The following PCDH15 variants were observed in gnomAD, a reference collection of about 807,000 sequenced individuals.
PCDH15 encodes protocadherin-15.
A neutral mutation model predicts 178.5 loss-of-function variants in PCDH15; 129 were observed. The ratio of observed to expected loss-of-function variants is 0.72; its 90% CI spans 0.63 to 0.84. PCDH15 has a LOEUF of 0.84. Ranked by LOEUF, PCDH15 falls within the 40% of genes least tolerant of loss-of-function variation. The pLI is 0.00. For synonymous variants in PCDH15, 800 were observed against 732.0 expected, an observed-to-expected ratio of 1.09 and a Z score of -1.50; for missense variants, 2,230 against 2,099.9, an observed-to-expected ratio of 1.06 and a Z score of -1.21.
chr10:53,889,160 C>T (rs897477521), intron 26 of PCDH15, among the ~76,000 whole-genome samples: 2 of 151,722 alleles, frequency 1.3e-5, no homozygotes, highest in Non-Finnish European at 2.9e-5. Context: ...TTTTGTGTTA[C>T]TCAAAGAGCT....
At chr10:54,030,037 A>G (rs968517677) in intron 18 of PCDH15, among the ~76,000 whole-genome samples, 2 of 152,190 alleles carry the variant, frequency 1.3e-5, no homozygotes, top group African/African-American at 2.4e-5. Context: ...ATATCCATTC[A>G]GATTAATTAT....
At chr10:54,794,123 T>A (rs1951720113) in intron 1 of PCDH15, among the ~76,000 whole-genome samples, 1 of 146,890 alleles carries the variant, frequency 6.8e-6, no homozygotes, top group Non-Finnish European at 1.5e-5. Context: ...AAGATATATA[T>A]AAGATATATA....
At chr10:55,322,984 T>C (rs1008716439), upstream of PCDH15, among the ~76,000 whole-genome samples, 3 of 152,062 alleles carry the variant, frequency 2.0e-5, no homozygotes, top group Admixed American at 2.0e-4. Context: ...GGACTCCTGC[T>C]CTATGCAGAC....
intron 2 of PCDH15, among the ~76,000 whole-genome samples, chr10:55,600,713 G>C (rs1030213187): frequency 2.0e-5 from 3 of 152,010 alleles, no homozygotes; most frequent in Non-Finnish European, 4.4e-5. Context: ...ATGAGAAACC[G>C]GGCCCACTTC....
chr10:53,854,860 A>T (rs1388570823), intron 28 of PCDH15, among the ~76,000 whole-genome samples: 2 of 152,036 alleles, frequency 1.3e-5, no homozygotes, highest in African/African-American at 4.8e-5. Flanking sequence ...TATTTGCCCA[A>T]TTTCATGTTT....
At chr10:54,118,794 A>G (rs936306411) in intron 15 of PCDH15, among the ~76,000 whole-genome samples, 1 of 152,032 alleles carries the variant, frequency 6.6e-6, no homozygotes, top group Admixed American at 6.5e-5. Flanking sequence ...TTTTGTCAAA[A>G]TGATGAATTA....
At chr10:54,250,267 CTTTTTTTTTTTTT>C (rs765895227) in intron 8 of PCDH15, among the ~76,000 whole-genome samples, 1 of 84,044 alleles carries the variant, frequency 1.2e-5, no homozygotes, top group African/African-American at 5.0e-5. Flanking sequence ...TATGCTATTA[CTTTTTTTTTTTTT>C]TTTTTTTTTT....
At chr10:54,612,386 A>G (rs1415745518) in intron 2 of PCDH15, among the ~76,000 whole-genome samples, 1 of 151,838 alleles carries the variant, frequency 6.6e-6, no homozygotes, top group Non-Finnish European at 1.5e-5. Flanking sequence ...TCACTAAGAT[A>G]AAAGGATCAC....
chr10:54,392,257 G>A (rs1456176323), intron 3 of PCDH15, among the ~76,000 whole-genome samples: 1 of 149,548 alleles, frequency 6.7e-6, no homozygotes, highest in Non-Finnish European at 1.5e-5. Context: ...CTGAGGCCAG[G>A]AGTTCAAGGT....
At chr10:54,236,380 CTT>C (rs531061782) in intron 9 of PCDH15, among the ~76,000 whole-genome samples, 1 of 148,002 alleles carries the variant, frequency 6.8e-6, no homozygotes. Flanking sequence ...GCTCTCTCAC[CTT>C]TTTTTTTTAA....
At chr10:53,851,236 A>G (rs2078335517) in intron 28 of PCDH15, among the ~76,000 whole-genome samples, 1 of 151,770 alleles carries the variant, frequency 6.6e-6, no homozygotes, top group Admixed American at 6.6e-5. Context: ...CTCTTCCAAA[A>G]TTTTCTACTT....
rs557202925 is a variant in PCDH15, at chr10:55,148,110, C to T, written c.-80+18466G>A. Among the ~76,000 whole-genome samples, 23 of 32,654 alleles carry T rather than the reference C, an allele frequency of 7.0e-4. No homozygotes were observed. In the East Asian group the frequency reaches 9.0e-3, roughly 13 times the overall value. 21.4% of individuals were successfully genotyped at this position (32,654 alleles called of 152,430 possible). ...AGAAAAAAATTCTGTATCTTACAGG[C>T]GATGATGGGCTTTCTACTTCCACTA... On this transcript the variant is annotated intron_variant, in intron 2 of 5. Coordinates refer to the PCDH15 transcript ENST00000458638.
chr10:55,285,264 TGCA>T (rs1842838292), intron 1 of PCDH15, among the ~76,000 whole-genome samples: 1 of 150,844 alleles, frequency 6.6e-6, no homozygotes. Flanking sequence ...ATACAGTTTC[TGCA>T]GACATAAAAT....
intron 6 of PCDH15, among the ~76,000 whole-genome samples, chr10:54,338,092 T>C (rs1941542302): frequency 6.6e-6 from 1 of 152,216 alleles, no homozygotes; most frequent in Non-Finnish European, 1.5e-5. Flanking sequence ...CAGTTCAACT[T>C]ATCTTATTCC....
chr10:54,343,624 T>C (rs960105173), intron 6 of PCDH15, among the ~76,000 whole-genome samples: 1 of 148,630 alleles, frequency 6.7e-6, no homozygotes, highest in African/African-American at 2.5e-5. Context: ...AAAGAGTTGC[T>C]TAAGTTCTTT....
chr10:55,219,411 G>A (rs901346208), intron 1 of PCDH15, among the ~76,000 whole-genome samples: 7 of 151,692 alleles, frequency 4.6e-5, no homozygotes, highest in African/African-American at 1.7e-4. Flanking sequence ...ACAACATTAA[G>A]GATGGCTATA....
At position 55,341,778 on chromosome 10, in the gene PCDH15, TATATATATATATATATATATATATATA is replaced by T. The variant is rs1844569274; in HGVS notation, c.-155-175154_-155-175128del. ...ATACATATGCATATATATATATATA[TATATATATATATATATATATATATATA>T]TTTTTTTTTTTTTTTTTTTTTTTTT... On this transcript the variant is annotated intron_variant, in intron 2 of 5. Transcript: ENST00000613346. Among the ~76,000 whole-genome samples, 11 of 10,222 alleles carry T rather than the reference TATATATATATATATATATATATATATA, an allele frequency of 1.1e-3. 1 individual carries two copies. The South Asian group carries it at 0.015, about 14-fold the overall frequency. 6.7% of individuals were successfully genotyped at this position (10,222 alleles called of 152,430 possible). A position where few individuals can be genotyped will look rare whatever the true frequency, so the allele number is the denominator to read the frequency against.
intron 32 of PCDH15, chr10:53,825,160 G>C: frequency 6.5e-7 from 1 of 1,532,124 alleles, no homozygotes; most frequent in Non-Finnish European, 8.8e-7. Context: ...CCACAGGTGA[G>C]AAACAGAAAA....
chr10:54,368,176 C>A (rs1947093961), intron 5 of PCDH15, among the ~76,000 whole-genome samples: 1 of 151,960 alleles, frequency 6.6e-6, no homozygotes, highest in South Asian at 2.1e-4. Flanking sequence ...TTTCTTCAAA[C>A]TTTCATGAAC....
Sources: gnomAD v4.1 joint callset for allele counts (sites outside exome capture counted in the v4.1 genomes callset) on GRCh38, gnomAD v4.1.1 for gene constraint, MANE v1.5 for transcripts, NCBI Gene and HGNC (gene_info 2026-07-23, HGNC 2026-07-21) for gene names.